Variants in CSMD3 observed in about 807,000 individuals in gnomAD.
The protein encoded by CSMD3 is CUB and sushi domain-containing protein 3.
CSMD3 carries 177 observed loss-of-function variants against 435.2 expected under a neutral mutation model. That is an observed-to-expected ratio of 0.41 (90% CI 0.36 to 0.46). The LOEUF is 0.46. Among genes scored for constraint, CSMD3 ranks in the 20% least tolerant of loss-of-function variants. The pLI is 0.34. For synonymous variants in CSMD3, 1,656 were observed against 1,520.5 expected (o/e 1.09, Z -2.07); for missense variants, 4,265 against 4,504.6 (o/e 0.95, Z 1.52).
At position 113,291,913 on chromosome 8, in the gene CSMD3, A is replaced by G. The variant is rs2093689171; in HGVS notation, c.402-13209T>C. 2.6e-5 allele frequency among the ~76,000 whole-genome samples: 4 copies of G among 151,470 alleles called. No individual in the cohort carries two copies. In the Middle Eastern group the frequency reaches 0.014, roughly 522 times the overall value. On this transcript the variant is annotated intron_variant, in intron 2 of 70. Coordinates refer to ENST00000297405, the MANE Select transcript of CSMD3 (RefSeq NM_198123.2). ...CTTCCTTGATAGATTTTCATTTTTC[A>G]AGGTTCTACTTCTACTTACTTCTAA...
intron 27 of CSMD3, among the ~76,000 whole-genome samples, chr8:112,540,268 A>C (rs1025375186): frequency 6.6e-6 from 1 of 151,962 alleles, no homozygotes; most frequent in Non-Finnish European, 1.5e-5. Flanking sequence ...GGCTATCAGA[A>C]AGACAGAAAA....
At chr8:113,212,758 G>A (rs1215182791) in intron 3 of CSMD3, among the ~76,000 whole-genome samples, 3 of 151,816 alleles carry the variant, frequency 2.0e-5, no homozygotes, top group Non-Finnish European at 4.4e-5. Flanking sequence ...GAAGGGGGGA[G>A]GGATAGCATT....
chr8:112,691,994 G>A (rs2076147218), intron 13 of CSMD3, among the ~76,000 whole-genome samples: 1 of 151,868 alleles, frequency 6.6e-6, no homozygotes, highest in African/African-American at 2.4e-5. Flanking sequence ...GTAGAGATGG[G>A]GTTTCACTGT....
chr8:113,352,544 AT>A (rs988363120), intron 1 of CSMD3, among the ~76,000 whole-genome samples: 1 of 152,194 alleles, frequency 6.6e-6, no homozygotes, highest in African/African-American at 2.4e-5. Flanking sequence ...CCTAGTTCTC[AT>A]TTCTGCACAC....
intron 18 of CSMD3, among the ~76,000 whole-genome samples, chr8:112,651,541 ATTTTTTT>A (rs1254096334): frequency 7.3e-6 from 1 of 137,284 alleles, no homozygotes; most frequent in Non-Finnish European, 1.6e-5. Flanking sequence ...CACCCAGTGC[ATTTTTTT>A]TTTTTTTTTG....
chr8:112,301,684 C>T, intron 53 of CSMD3, 109 bp downstream of exon 53: 1 of 823,316 alleles, frequency 1.2e-6, no homozygotes, highest in Middle Eastern at 2.4e-4. Flanking sequence ...TTTTAACATA[C>T]TTACTGAATG....
intron 27 of CSMD3, among the ~76,000 whole-genome samples, chr8:112,535,253 AT>A (rs1825953242): frequency 6.6e-6 from 1 of 152,090 alleles, no homozygotes; most frequent in African/African-American, 2.4e-5. Context: ...AGATGACATG[AT>A]TGTATATCTA....
chr8:113,051,778 G>A (rs1031582095), intron 5 of CSMD3, among the ~76,000 whole-genome samples: 2 of 152,182 alleles, frequency 1.3e-5, no homozygotes, highest in African/African-American at 4.8e-5. Flanking sequence ...CATAACAGGC[G>A]CTCAGTAAAT....
chr8:112,775,737 AGTT>A (rs2078229036), intron 13 of CSMD3, among the ~76,000 whole-genome samples: 1 of 151,888 alleles, frequency 6.6e-6, no homozygotes, highest in African/African-American at 2.4e-5. Context: ...TTGCCAATCT[AGTT>A]AATTCACAAA....
chr8:113,278,816 T>C (rs2093591503), intron 2 of CSMD3, 112 bp from the exon 3 acceptor site: 2 of 655,752 alleles, frequency 3.0e-6, no homozygotes, highest in Admixed American at 2.1e-5. Flanking sequence ...TCTCCTATAA[T>C]TTCCAGAAGG....
chr8:112,869,398 ATTAT>A (rs2081069996), intron 10 of CSMD3, among the ~76,000 whole-genome samples: 2 of 152,204 alleles, frequency 1.3e-5, no homozygotes, highest in African/African-American at 4.8e-5. Flanking sequence ...TAATGTTTTT[ATTAT>A]TTATTGATCA....
At chr8:112,718,515 G>GTATATATATATATATATA (rs35810260) in intron 13 of CSMD3, among the ~76,000 whole-genome samples, 19 of 140,440 alleles carry the variant, frequency 1.4e-4, no homozygotes, top group African/African-American at 4.9e-4. Flanking sequence ...GTATATATAT[G>GTATATATATATATATATA]TATATATATA....
At chr8:113,316,144 C>T (rs1027771026) in intron 1 of CSMD3, among the ~76,000 whole-genome samples, 6 of 152,054 alleles carry the variant, frequency 3.9e-5, no homozygotes, top group Non-Finnish European at 7.4e-5. Context: ...CATTTAGAGG[C>T]GGTTAAACAG....
chr8:112,523,580 C>T (rs906511974), intron 27 of CSMD3, among the ~76,000 whole-genome samples: 1 of 151,892 alleles, frequency 6.6e-6, no homozygotes, highest in Non-Finnish European at 1.5e-5. Flanking sequence ...TTCTCCACTT[C>T]CCTATCTATA....
chr8:113,000,765 T>G (rs555739279), intron 6 of CSMD3, among the ~76,000 whole-genome samples: 1 of 152,156 alleles, frequency 6.6e-6, no homozygotes, highest in African/African-American at 2.4e-5. Flanking sequence ...ATTTAAATGC[T>G]ATCTTTCTGG....
At chr8:112,751,374 A>C (rs2077566291) in intron 13 of CSMD3, among the ~76,000 whole-genome samples, 1 of 152,304 alleles carries the variant, frequency 6.6e-6, no homozygotes, top group African/African-American at 2.4e-5. Flanking sequence ...AGAGGAAAGA[A>C]CACAAATTAA....
intron 1 of CSMD3, among the ~76,000 whole-genome samples, chr8:113,339,864 TTATATC>T (rs1467250728): frequency 7.2e-5 from 11 of 152,040 alleles, no homozygotes; most frequent in South Asian, 2.1e-4. Context: ...ATACCCTTCT[TTATATC>T]TATCAATGCT....
At chr8:112,661,031 T>C (rs2075367649) in intron 17 of CSMD3, among the ~76,000 whole-genome samples, 1 of 152,132 alleles carries the variant, frequency 6.6e-6, no homozygotes, top group Non-Finnish European at 1.5e-5. Flanking sequence ...TATTCTGATC[T>C]ACGCACAAGA....
chr8:112,668,558 G>T (rs207469733), intron 16 of CSMD3, among the ~76,000 whole-genome samples: 1 of 151,944 alleles, frequency 6.6e-6, no homozygotes, highest in African/African-American at 2.4e-5. Context: ...AGTTAGAAGG[G>T]GTCTTTAAAG....
Sources: allele counts gnomAD v4.1 joint callset (sites outside exome capture counted in the v4.1 genomes callset), GRCh38; gene constraint gnomAD v4.1.1; transcripts MANE v1.5; gene names NCBI Gene and HGNC (gene_info 2026-07-23, HGNC 2026-07-21).